The following CPNE5 variants were observed in gnomAD, a reference collection of about 807,000 sequenced individuals.
The protein encoded by CPNE5 is copine-5.
A neutral mutation model predicts 81.1 loss-of-function variants in CPNE5; 42 were observed. The ratio of observed to expected loss-of-function variants is 0.52; its 90% CI spans 0.40 to 0.67. The LOEUF (loss-of-function observed/expected upper bound fraction) is 0.67, where lower values mean the gene tolerates loss of function less well. Among genes scored for constraint, CPNE5 ranks in the 30% least tolerant of loss-of-function variants. The pLI, the probability that CPNE5 is intolerant of heterozygous loss-of-function variation, is 0.00. For missense variants in CPNE5, 612 were observed against 815.5 expected, an observed-to-expected ratio of 0.75 and a Z score of 3.04; for synonymous variants, 313 against 321.5, an observed-to-expected ratio of 0.97 and a Z score of 0.28.
chr6:36,762,225 C>A (rs1406535411), intron 12 of CPNE5, among the ~76,000 whole-genome samples: 3 of 70,092 alleles, frequency 4.3e-5, no homozygotes, highest in African/African-American at 1.2e-4. Context: ...GAGGCCCTGT[C>A]TCAAAAAAAA....
Position 36,745,432 on chromosome 6 carries a change from C to G in CPNE5, c.1284G>C (p.Leu428=), listed in dbSNP as rs771913394. The change falls in exon 17 of 21, where the codon CTG becomes CTC. Residue 428 remains leucine (L), a synonymous_variant. Transcript: ENST00000244751. ...AYHRSLRTVQ[L]YGPTNFAPVV... ...CGGGGGCAAAGTTGGTGGGGCCGTA[C>G]AGCTGCACAGTGCGCAGGCTGCGGT... 3.7e-6 allele frequency: 6 copies of G among 1,607,018 alleles called. No homozygotes were observed. The East Asian group carries it at 1.3e-4, about 36-fold the overall frequency.
At chr6:36,783,972 A>G (rs769036401) in intron 8 of CPNE5, among the ~76,000 whole-genome samples, 1 of 152,264 alleles carries the variant, frequency 6.6e-6, no homozygotes, top group Non-Finnish European at 1.5e-5. Flanking sequence ...AGTCATCAAG[A>G]TAAGTTTAAT....
At chr6:36,834,254 C>CAAAAAAAAAAAAAAAAAAAAAAA (rs1157250827) in intron 1 of CPNE5, among the ~76,000 whole-genome samples, 1 of 21,684 alleles carries the variant, frequency 4.6e-5, no homozygotes, top group Non-Finnish European at 6.4e-5. Context: ...GACTGTATCT[C>CAAAAAAAAAAAAAAAAAAAAAAA]AAAAAAAAAA....
chr6:36,772,302 C>T (rs1391252873), intron 10 of CPNE5, among the ~76,000 whole-genome samples: 1 of 152,160 alleles, frequency 6.6e-6, no homozygotes, highest in Admixed American at 6.5e-5. Flanking sequence ...CCCTGACTTT[C>T]CAGCCTTTCC....
chr6:36,786,348 G>T (rs1210034259), intron 8 of CPNE5, among the ~76,000 whole-genome samples: 1 of 152,196 alleles, frequency 6.6e-6, no homozygotes, highest in African/African-American at 2.4e-5. Flanking sequence ...GGGCACAGAA[G>T]CTGGTCTGAG....
intron 3 of CPNE5, among the ~76,000 whole-genome samples, chr6:36,802,151 G>A (rs537867888): frequency 4.8e-4 from 72 of 149,660 alleles, no homozygotes; most frequent in Non-Finnish European, 6.8e-4. Context: ...CCCAGGAGGC[G>A]GAGGTTGCAG....
At chr6:36,776,343 CT>C (rs1767499474) in intron 9 of CPNE5, among the ~76,000 whole-genome samples, 1 of 152,244 alleles carries the variant, frequency 6.6e-6, no homozygotes, top group Non-Finnish European at 1.5e-5. Flanking sequence ...GTCACCATGG[CT>C]TAGCGTTTTT....
At chr6:36,829,850 C>CAAAA (rs1224687378) in intron 1 of CPNE5, among the ~76,000 whole-genome samples, 5 of 47,354 alleles carry the variant, frequency 1.1e-4, no homozygotes, top group African/African-American at 2.5e-4. Flanking sequence ...GTAGGAATTG[C>CAAAA]AAAAAAAAAA....
At chr6:36,780,499 G>A (rs1482099519) in intron 8 of CPNE5, among the ~76,000 whole-genome samples, 1 of 152,228 alleles carries the variant, frequency 6.6e-6, no homozygotes, top group African/African-American at 2.4e-5. Context: ...CACCCTCTGT[G>A]TGCTCAGTTT....
At chr6:36,784,065 A>C (rs936800968) in intron 8 of CPNE5, among the ~76,000 whole-genome samples, 4 of 152,236 alleles carry the variant, frequency 2.6e-5, no homozygotes, top group African/African-American at 9.6e-5. Context: ...TTAAAATTAA[A>C]AACAAAAAAA....
intron 9 of CPNE5, among the ~76,000 whole-genome samples, chr6:36,776,150 T>G (rs576366108): frequency 6.6e-6 from 1 of 152,306 alleles, no homozygotes; most frequent in Admixed American, 6.5e-5. Flanking sequence ...CCCTGCCACA[T>G]GGATGGGCAG....
At chr6:36,773,608 A>G (rs952148742) in intron 10 of CPNE5, among the ~76,000 whole-genome samples, 1 of 152,142 alleles carries the variant, frequency 6.6e-6, no homozygotes, top group Non-Finnish European at 1.5e-5. Flanking sequence ...GGCACAACAG[A>G]GCCTCGTTGT....
chr6:36,792,556 G>A, intron 7 of CPNE5: 1 of 486,212 alleles, frequency 2.1e-6, no homozygotes, highest in Non-Finnish European at 3.9e-6. Flanking sequence ...CGGGAGGGAG[G>A]AAGGCAGGAG....
At chr6:36,827,834 A>T (rs1392585373) in intron 1 of CPNE5, 1 of 818,864 alleles carries the variant, frequency 1.2e-6, no homozygotes, top group African/African-American at 1.9e-5. Context: ...CTTTCTTTGG[A>T]GAGCACAAAG....
chr6:36,833,384 T>A (rs781398079), intron 1 of CPNE5, among the ~76,000 whole-genome samples: 66 of 152,184 alleles, frequency 4.3e-4, no homozygotes, highest in Non-Finnish European at 8.1e-4. Context: ...TATAATCCCC[T>A]CCCCTTGAGA....
rs929188121 is a variant in CPNE5, at chr6:36,741,881, G to A, written c.*387C>T. 12 of 205,978 alleles carry A rather than the reference G, an allele frequency of 5.8e-5. No individual in the cohort carries two copies. The South Asian group carries it at 8.1e-4, about 14-fold the overall frequency. 12.8% of individuals were successfully genotyped at this position (205,978 alleles called of 1,614,324 possible). A position where few individuals can be genotyped will look rare whatever the true frequency, so the allele number is the denominator to read the frequency against. Reference sequence around the variant, plus strand: ...AGTAGACACCATGGGAGGATGGGACGGAGATGGGGGGCTGGAGGAGGCCAA... The same window carrying A: ...AGTAGACACCATGGGAGGATGGGACAGAGATGGGGGGCTGGAGGAGGCCAA... On this transcript the variant is annotated 3_prime_UTR_variant, in exon 21 of 21. Coordinates refer to ENST00000244751, the MANE Select transcript of CPNE5 (RefSeq NM_020939.2).
rs1186289117 is a variant in CPNE5, at chr6:36,775,046, T to A, written c.652A>T (p.Thr218Ser). 1 of 1,614,118 alleles carries A rather than the reference T, an allele frequency of 6.2e-7. No individual in the cohort carries two copies. The highest frequency in any genetic ancestry group is 1.1e-5 in the South Asian group (1 of 91,078). ...EDGTFTICHK[T>S]EVMKNTLNPV... Reference sequence around the variant, plus strand: ...TTTAGGGTGTTCTTCATGACCTCGGTCTTGTGGCAAATGGTGAACCTGGTG... The same window carrying A: ...TTTAGGGTGTTCTTCATGACCTCGGACTTGTGGCAAATGGTGAACCTGGTG... The change falls in exon 10 of 21, where the codon ACC becomes TCC. Residue 218 changes from threonine to serine, a missense_variant. By Grantham distance (58) the Thr-to-Ser change is moderately conservative (BLOSUM62 1). Coordinates refer to ENST00000244751, the MANE Select transcript of CPNE5 (RefSeq NM_020939.2).
At chr6:36,742,592 A>T (rs1582664477) in intron 20 of CPNE5, 106 bp from the exon 21 acceptor site, 1 of 924,882 alleles carries the variant, frequency 1.1e-6, no homozygotes. Context: ...GCCTCTGCTC[A>T]CTTGACTCAA....
In CPNE5 at chr6:36,743,670, G is replaced by A. The variant is rs566879296; in HGVS notation, c.1563+19C>T. 12 of 1,611,826 alleles carry A rather than the reference G, an allele frequency of 7.4e-6. No individual in the cohort carries two copies. In the East Asian group the frequency reaches 2.0e-4, roughly 27 times the overall value. ...GGGCTCTTGAATTTCCCATGGGGCA[G>A]GCAAGGCCTGGGCTTCACCTGGACG... On this transcript the variant is annotated intron_variant, in intron 20 of 20. Transcript: ENST00000244751.
Sources: gnomAD v4.1 joint callset for allele counts (sites outside exome capture counted in the v4.1 genomes callset) on GRCh38, gnomAD v4.1.1 for gene constraint, MANE v1.5 for transcripts, NCBI Gene and HGNC (gene_info 2026-07-23, HGNC 2026-07-21) for gene names.